The following TXLNB variants were observed in gnomAD, a reference collection of about 807,000 sequenced individuals.
The protein encoded by TXLNB is taxilin beta.
Under a neutral mutation model 57.4 loss-of-function variants are expected in TXLNB, and 37 were observed. The ratio of observed to expected loss-of-function variants is 0.64; its 90% CI spans 0.50 to 0.85. The LOEUF (loss-of-function observed/expected upper bound fraction) is 0.85, where lower values mean the gene tolerates loss of function less well. TXLNB is among the 40% of genes least tolerant of loss of function. The pLI is 0.00. For missense variants in TXLNB, 848 were observed against 825.6 expected (o/e 1.03, Z -0.33); for synonymous variants, 302 against 309.6 (o/e 0.98, Z 0.26).
intron 4 of TXLNB, among the ~76,000 whole-genome samples, chr6:139,267,047 A>T (rs1268955931): frequency 6.6e-6 from 1 of 151,978 alleles, no homozygotes; most frequent in East Asian, 1.9e-4. Context: ...ATTAAAAAAA[A>T]AATAAAGATG....
the TXLNB span, chr6:139,183,655 T>C: frequency 2.6e-5 from 4 of 152,162 alleles, no homozygotes; most frequent in African/African-American, 9.7e-5. Context: ...TGATGTTGAC[T>C]AAAGAAAAAA....
chr6:139,295,046 CA>C (rs1186569988), upstream of TXLNB, among the ~76,000 whole-genome samples: 2 of 152,106 alleles, frequency 1.3e-5, no homozygotes, highest in Non-Finnish European at 2.9e-5. Context: ...TTTGTTATAG[CA>C]GCCTGAATAG....
At chr6:139,274,554 T>C (rs757483429) in intron 3 of TXLNB, among the ~76,000 whole-genome samples, 1 of 152,160 alleles carries the variant, frequency 6.6e-6, no homozygotes, top group African/African-American at 2.4e-5. Context: ...AAGGCTTGAA[T>C]TGAATATGGT....
chr6:139,213,382 G>T, the TXLNB span, among the ~76,000 whole-genome samples: 1 of 152,096 alleles, frequency 6.6e-6, no homozygotes, highest in Non-Finnish European at 1.5e-5. Context: ...TGACTACTGG[G>T]TACATAACGA....
At chr6:139,322,942 T>A in the TXLNB span, among the ~76,000 whole-genome samples, 1 of 152,210 alleles carries the variant, frequency 6.6e-6, no homozygotes, top group Non-Finnish European at 1.5e-5. Context: ...AATTGAATAG[T>A]GGCTTCCCCA....
At chr6:139,316,733 A>G in the TXLNB span, among the ~76,000 whole-genome samples, 1 of 152,216 alleles carries the variant, frequency 6.6e-6, no homozygotes, top group Non-Finnish European at 1.5e-5. Flanking sequence ...AACAACTAAG[A>G]CTGCTGCAAT....
chr6:139,274,830 T>C (rs1174825843), intron 3 of TXLNB, among the ~76,000 whole-genome samples: 2 of 151,812 alleles, frequency 1.3e-5, no homozygotes, highest in Admixed American at 6.6e-5. Flanking sequence ...TTGGTATGAG[T>C]TGGTAAATCG....
intron 3 of TXLNB, among the ~76,000 whole-genome samples, chr6:139,273,216 C>G (rs9495405): frequency 0.042 from 6,404 of 152,214 alleles, 452 homozygotes; most frequent in African/African-American, 0.15. Flanking sequence ...TTGTAAGTTG[C>G]TCAACACCAT....
At chr6:139,294,669 T>C (rs992767275), upstream of TXLNB, among the ~76,000 whole-genome samples, 1 of 152,138 alleles carries the variant, frequency 6.6e-6, no homozygotes, top group Non-Finnish European at 1.5e-5. Flanking sequence ...TCTTAGACTT[T>C]CCAGCCTACA....
At chr6:139,196,670 C>T in the TXLNB span, among the ~76,000 whole-genome samples, 436 of 152,124 alleles carry the variant, frequency 2.9e-3, no homozygotes, top group Non-Finnish European at 5.1e-3. Context: ...CCACTACACC[C>T]GGCCCAGATC....
At chr6:139,207,281 C>A in the TXLNB span, among the ~76,000 whole-genome samples, 173 of 152,252 alleles carry the variant, frequency 1.1e-3, no homozygotes, top group African/African-American at 4.0e-3. Context: ...ATATCAAGGA[C>A]CTTCTCAGAC....
Position 139,242,622 on chromosome 6 carries a change from C to T in TXLNB, c.1959G>A (p.Gln653=), listed in dbSNP as rs930067194. The T allele has an allele frequency of 1.5e-5, 24 of 1,599,150 alleles. No individual in the cohort carries two copies. Among genetic ancestry groups the T allele is most frequent in the Admixed American group, 3.5e-5 (2 of 57,586 alleles). Residue 653 remains glutamine (Q), a synonymous_variant, in exon 10 of 10, where the codon CAG becomes CAA. Transcript: ENST00000358430. The stretch of plus-strand genomic sequence containing the variant: ...GCTCCTCTGCTGCTGCTCGTGGGGG[C>T]TGCCTACTGGGCTCGCATGCAGGCA... ...AMVPACEPSR[Q]PPRAAAEELP... is the part of the protein sequence containing the mutation.
At chr6:139,194,135 G>A in the TXLNB span, among the ~76,000 whole-genome samples, 5 of 152,126 alleles carry the variant, frequency 3.3e-5, no homozygotes, top group Non-Finnish European at 4.4e-5. Flanking sequence ...TAGAGATGGG[G>A]TTTCACCATG....
Position 139,258,181 on chromosome 6 carries a change from C to T in TXLNB, c.1002+2137G>A, listed in dbSNP as rs562384442. ...TGCAAGCCAGGTAGGTGGCTAGCTT[C>T]GAAGAAGTGAGATGAGCTCCCTCTC... On this transcript the variant is annotated intron_variant, in intron 6 of 9. Transcript: ENST00000358430. 5.9e-5 allele frequency among the ~76,000 whole-genome samples: 9 copies of T among 152,218 alleles called. No individual in the cohort carries two copies. In the South Asian group the frequency reaches 1.2e-3, roughly 21 times the overall value.
intron 3 of TXLNB, among the ~76,000 whole-genome samples, chr6:139,273,051 G>A (rs1316409358): frequency 6.6e-6 from 1 of 152,020 alleles, no homozygotes; most frequent in Admixed American, 6.5e-5. Flanking sequence ...AAAGAAAAAA[G>A]AAAAAGAAAA....
At chr6:139,166,854 C>G in the TXLNB span, 1 of 1,613,982 alleles carries the variant, frequency 6.2e-7, no homozygotes, top group African/African-American at 1.3e-5. Flanking sequence ...TCCATCCTCT[C>G]TCCTGCCCAC....
the TXLNB span, among the ~76,000 whole-genome samples, chr6:139,306,636 C>G: frequency 3.3e-5 from 5 of 152,200 alleles, no homozygotes; most frequent in African/African-American, 1.2e-4. Context: ...CCGCTTTCTT[C>G]AATTGTTCCT....
the TXLNB span, among the ~76,000 whole-genome samples, chr6:139,309,657 G>A: frequency 1.3e-5 from 2 of 152,142 alleles, no homozygotes; most frequent in Non-Finnish European, 2.9e-5. Flanking sequence ...AGGCACAGTG[G>A]CTCATACCTG....
intron 7 of TXLNB, among the ~76,000 whole-genome samples, chr6:139,252,986 C>T (rs771696140): frequency 2.6e-5 from 4 of 152,104 alleles, no homozygotes; most frequent in Non-Finnish European, 4.4e-5. Context: ...AGTGAGACAC[C>T]GTCTCAAAAA....
Sources: gnomAD v4.1 joint callset for allele counts (sites outside exome capture counted in the v4.1 genomes callset) on GRCh38, gnomAD v4.1.1 for gene constraint, MANE v1.5 for transcripts, NCBI Gene and HGNC (gene_info 2026-07-23, HGNC 2026-07-21) for gene names.